Variants in LIPA observed in about 807,000 individuals in gnomAD.
LIPA encodes lipase A, lysosomal acid type.
A neutral mutation model predicts 40.6 loss-of-function variants in LIPA; 26 were observed. That is an observed-to-expected ratio of 0.64 (90% CI 0.47 to 0.89). LIPA has a LOEUF of 0.89. Ranked by LOEUF, LIPA falls within the 40% of genes least tolerant of loss-of-function variation. The pLI is 0.00. For synonymous variants in LIPA, 188 were observed against 168.4 expected, an observed-to-expected ratio of 1.12 and a Z score of -0.90; for missense variants, 455 against 479.6, an observed-to-expected ratio of 0.95 and a Z score of 0.48.
rs145037134 is a variant in LIPA, at chr10:89,223,750, T to G, written c.756A>C (p.Ile252=). The change falls in exon 7 of 10, where the codon ATA becomes ATC. Residue 252 remains isoleucine, a synonymous_variant. Transcript: ENST00000336233. ...AGAGATTTCCACAGAGCTCCTTCAG[T>G]ATGACATGAGTGCAAACGTGGGTAC... is the stretch of plus-strand genomic sequence containing the variant. The part of the protein sequence containing the change: ...WLGTHVCTHV[I]LKELCGNLCF... 2.9e-4 allele frequency: 470 copies of G among 1,613,748 alleles called. No individual in the cohort carries two copies. The African/African-American group carries it at 5.5e-3, about 19-fold the overall frequency.
chr10:89,247,533 C>G lies in LIPA; in HGVS notation c.111+5G>C, dbSNP rs1205786787. 1 of 1,573,140 alleles carries G rather than the reference C, an allele frequency of 6.4e-7. No individual in the cohort carries two copies. Among genetic ancestry groups the G allele is most frequent in the Non-Finnish European group, 8.7e-7 (1 of 1,143,016 alleles). On this transcript the variant is annotated splice_donor_5th_base_variant and intron_variant, in intron 2 of 9. Coordinates refer to ENST00000336233, the MANE Select transcript of LIPA (RefSeq NM_000235.4). The stretch of plus-strand genomic sequence containing the variant: ...TTTAAAAGTACATAACTTTGAGAAA[C>G]TTACCACATTCATGTTTGTTTCAGG...
intron 2 of LIPA, among the ~76,000 whole-genome samples, chr10:89,367,536 GT>G (rs1844064995): frequency 6.6e-6 from 1 of 152,194 alleles, no homozygotes; most frequent in South Asian, 2.1e-4. Context: ...TTGGTTAAAA[GT>G]TACATAGAAA....
intron 1 of LIPA, among the ~76,000 whole-genome samples, chr10:89,257,768 C>A (rs1044230263): frequency 3.3e-5 from 5 of 152,188 alleles, no homozygotes; most frequent in Non-Finnish European, 7.3e-5. Flanking sequence ...AGTAGGAATT[C>A]TCTTAAGGCA....
intron 1 of LIPA, among the ~76,000 whole-genome samples, chr10:89,321,590 G>A (rs1011786653): frequency 9.9e-5 from 15 of 152,202 alleles, no homozygotes; most frequent in Non-Finnish European, 2.1e-4. Context: ...AGAGGATGTG[G>A]AGAAATAGGA....
chr10:89,252,635 C>T (rs528775573), upstream of LIPA, among the ~76,000 whole-genome samples: 87 of 152,212 alleles, frequency 5.7e-4, no homozygotes, highest in African/African-American at 2.0e-3. Flanking sequence ...TGGTGAAACC[C>T]CATCTCTACT....
At chr10:89,298,269 G>A (rs77715711) in intron 1 of LIPA, among the ~76,000 whole-genome samples, 2,308 of 152,266 alleles carry the variant, frequency 0.015, 83 homozygotes, top group East Asian at 0.14. Context: ...TTCTGGGGCC[G>A]AAGATCAGAC....
At chr10:89,254,663 G>A (rs1437061548), upstream of LIPA, among the ~76,000 whole-genome samples, 2 of 152,114 alleles carry the variant, frequency 1.3e-5, no homozygotes, top group Admixed American at 6.5e-5. Flanking sequence ...TCAGAAAATG[G>A]GTTTTTCTTT....
chr10:89,384,537 A>G (rs1344225468), intron 2 of LIPA: 5 of 1,614,036 alleles, frequency 3.1e-6, no homozygotes, highest in Non-Finnish European at 4.2e-6. Flanking sequence ...GTTTGAAAAT[A>G]GAAAAAATGT....
intron 2 of LIPA, chr10:89,405,821 A>T (rs1293669621): frequency 1.3e-5 from 2 of 152,146 alleles, no homozygotes; most frequent in African/African-American, 4.8e-5. Context: ...ATTTAATAAC[A>T]TCTGCAAAGT....
At chr10:89,306,507 G>A (rs749996976) in intron 1 of LIPA, 14 of 1,614,078 alleles carry the variant, frequency 8.7e-6, no homozygotes, top group Admixed American at 3.3e-5. Context: ...GCAAGCTACC[G>A]TCTGGACAAC....
chr10:89,335,442 A>G, intron 1 of LIPA: 1 of 149,506 alleles, frequency 6.7e-6, no homozygotes, highest in African/African-American at 2.6e-5. Flanking sequence ...GACAGGGTGG[A>G]AGTATGTTTC....
chr10:89,261,740 T>TTA (rs960586841), intron 1 of LIPA, among the ~76,000 whole-genome samples: 19 of 152,328 alleles, frequency 1.2e-4, no homozygotes, highest in African/African-American at 4.6e-4. Flanking sequence ...TGGTTTATTC[T>TTA]TATTCTTCCT....
At chr10:89,275,928 G>A (rs968695810) in intron 1 of LIPA, among the ~76,000 whole-genome samples, 1 of 152,146 alleles carries the variant, frequency 6.6e-6, no homozygotes, top group African/African-American at 2.4e-5. Context: ...ATTATGTTAT[G>A]ATTGCATCTA....
chr10:89,239,853 G>T (rs768478293), intron 3 of LIPA, among the ~76,000 whole-genome samples: 1 of 152,124 alleles, frequency 6.6e-6, no homozygotes, highest in African/African-American at 2.4e-5. Context: ...ATTAGTATAC[G>T]ATGCAGCTGG....
chr10:89,413,784 C>CAAAAAA (rs1564815971), intron 1 of LIPA, among the ~76,000 whole-genome samples: 2 of 76,166 alleles, frequency 2.6e-5, no homozygotes, highest in African/African-American at 1.0e-4. Context: ...AAAAAAAAAC[C>CAAAAAA]AAAATCAATG....
At chr10:89,369,007 G>C (rs1341897560) in intron 2 of LIPA, among the ~76,000 whole-genome samples, 2 of 151,988 alleles carry the variant, frequency 1.3e-5, no homozygotes, top group African/African-American at 4.8e-5. Flanking sequence ...ACTCTTTGGA[G>C]CTGCCAGGTG....
intron 3 of LIPA, among the ~76,000 whole-genome samples, chr10:89,230,002 C>T (rs1410766272): frequency 2.0e-5 from 3 of 152,066 alleles, no homozygotes; most frequent in African/African-American, 7.2e-5. Context: ...AAAAGGCTCA[C>T]ACACACAAAT....
At chr10:89,368,774 C>T (rs1465782689) in intron 2 of LIPA, among the ~76,000 whole-genome samples, 2 of 152,046 alleles carry the variant, frequency 1.3e-5, no homozygotes, top group Non-Finnish European at 2.9e-5. Context: ...CTAGTTATAA[C>T]TCAGGTTCAA....
chr10:89,347,903 G>A (rs1417667161), intron 2 of LIPA, among the ~76,000 whole-genome samples: 2 of 152,156 alleles, frequency 1.3e-5, no homozygotes, highest in Non-Finnish European at 2.9e-5. Flanking sequence ...CAGCCCAAGC[G>A]GGACATGCCT....
Sources: allele counts gnomAD v4.1 joint callset (sites outside exome capture counted in the v4.1 genomes callset), GRCh38; gene constraint gnomAD v4.1.1; transcripts MANE v1.5; gene names NCBI Gene and HGNC (gene_info 2026-07-23, HGNC 2026-07-21).